KIAA1328: variants seen among roughly 807,000 people sequenced by gnomAD.
KIAA1328 encodes protein hinderin.
In KIAA1328, 52 loss-of-function variants were observed where a neutral mutation model predicts 68.1. The ratio of observed to expected loss-of-function variants is 0.76; its 90% CI spans 0.61 to 0.96. The LOEUF is 0.96. KIAA1328 is among the 40% of genes least tolerant of loss of function. The pLI, the probability that KIAA1328 is intolerant of heterozygous loss-of-function variation, is 0.00. For synonymous variants in KIAA1328, 232 were observed against 239.4 expected (o/e 0.97, Z 0.28); for missense variants, 641 against 677.6 (o/e 0.95, Z 0.60).
At chr18:37,076,623 T>G (rs1378384164) in intron 7 of KIAA1328, among the ~76,000 whole-genome samples, 7 of 151,712 alleles carry the variant, frequency 4.6e-5, no homozygotes, top group African/African-American at 1.7e-4. Context: ...AAGAATCAAA[T>G]AGATGCAATA....
chr18:36,876,340 C>A (rs532169730), intron 4 of KIAA1328, among the ~76,000 whole-genome samples: 45 of 152,168 alleles, frequency 3.0e-4, no homozygotes, highest in African/African-American at 1.1e-3. Flanking sequence ...TAATTACTGC[C>A]TCAATTTCAG....
At chr18:37,002,170 A>G (rs1046180921) in intron 6 of KIAA1328, among the ~76,000 whole-genome samples, 4 of 151,874 alleles carry the variant, frequency 2.6e-5, no homozygotes, top group Admixed American at 6.6e-5. Flanking sequence ...ATTACAAGAT[A>G]CAAAATTGAT....
At chr18:36,987,867 T>C (rs1211411783) in intron 6 of KIAA1328, among the ~76,000 whole-genome samples, 1 of 152,158 alleles carries the variant, frequency 6.6e-6, no homozygotes, top group Non-Finnish European at 1.5e-5. Flanking sequence ...GAACTGCATA[T>C]TTTTTCTTTA....
chr18:37,065,947 A>G (rs1302807631), intron 6 of KIAA1328, among the ~76,000 whole-genome samples: 1 of 152,224 alleles, frequency 6.6e-6, no homozygotes, highest in Non-Finnish European at 1.5e-5. Context: ...ACAGTAAGGC[A>G]GATGGAGGTG....
intron 6 of KIAA1328, among the ~76,000 whole-genome samples, chr18:36,980,648 G>A (rs1411496788): frequency 6.6e-6 from 1 of 152,198 alleles, no homozygotes; most frequent in Non-Finnish European, 1.5e-5. Context: ...AATTCCAGCT[G>A]ACATGGTTTG....
chr18:37,086,332 CTT>C (rs1168278119), intron 7 of KIAA1328, among the ~76,000 whole-genome samples: 2 of 152,168 alleles, frequency 1.3e-5, no homozygotes, highest in Non-Finnish European at 2.9e-5. Context: ...CAAAACATCA[CTT>C]TGTATACAAT....
chr18:37,000,585 C>CAT (rs1413445548), intron 6 of KIAA1328, among the ~76,000 whole-genome samples: 1 of 151,822 alleles, frequency 6.6e-6, no homozygotes, highest in African/African-American at 2.4e-5. Flanking sequence ...CAGGATAGAC[C>CAT]ATATGTTAGG....
At chr18:37,006,301 T>G (rs2053780561) in intron 6 of KIAA1328, among the ~76,000 whole-genome samples, 2 of 152,066 alleles carry the variant, frequency 1.3e-5, no homozygotes, top group South Asian at 4.2e-4. Context: ...AAGGTCAGAA[T>G]TAAGAAAAGT....
chr18:37,067,276 A>G lies in KIAA1328; in HGVS notation c.963A>G (p.Thr321=), dbSNP rs1006049917. 42 of 1,613,868 alleles carry G rather than the reference A, an allele frequency of 2.6e-5. No homozygotes were observed. The highest frequency in any genetic ancestry group is 3.1e-5 in the Non-Finnish European group (37 of 1,179,888). Reference sequence around the variant, plus strand: ...ATCGTGTTCATGACAGCCATCCTACAAACATGACCCCTCAACATCCTAAGA... The same window carrying G: ...ATCGTGTTCATGACAGCCATCCTACGAACATGACCCCTCAACATCCTAAGA... ...AADRVHDSHP[T]NMTPQHPKTH... Residue 321 remains threonine (T), a synonymous_variant, in exon 7 of 10, where the codon ACA becomes ACG. Transcript: ENST00000280020.
At chr18:36,895,497 T>C (rs2048839797) in intron 5 of KIAA1328, among the ~76,000 whole-genome samples, 1 of 152,192 alleles carries the variant, frequency 6.6e-6, no homozygotes, top group Admixed American at 6.5e-5. Flanking sequence ...TTTTCTGATT[T>C]TCAGCTTTTC....
At chr18:36,860,454 AT>A (rs993771567) in intron 4 of KIAA1328, among the ~76,000 whole-genome samples, 2 of 151,396 alleles carry the variant, frequency 1.3e-5, no homozygotes, top group Non-Finnish European at 2.9e-5. Context: ...TTATAGCTGC[AT>A]TTTTTTTCAT....
chr18:36,939,149 A>G (rs941646350), intron 5 of KIAA1328, among the ~76,000 whole-genome samples: 3 of 152,064 alleles, frequency 2.0e-5, no homozygotes, highest in Non-Finnish European at 4.4e-5. Flanking sequence ...TGGAATTTTG[A>G]TAAAAATGGC....
chr18:37,131,980 G>A (rs1475539696), intron 7 of KIAA1328, among the ~76,000 whole-genome samples: 1 of 151,760 alleles, frequency 6.6e-6, no homozygotes, highest in Non-Finnish European at 1.5e-5. Context: ...CCTTTTAAGT[G>A]TTTTCTTAAA....
At chr18:37,064,144 T>C (rs747795311) in intron 6 of KIAA1328, among the ~76,000 whole-genome samples, 10 of 152,236 alleles carry the variant, frequency 6.6e-5, no homozygotes, top group African/African-American at 9.6e-5. Context: ...TGCCTAGCGC[T>C]GGTTCATATT....
At chr18:36,862,403 CTA>C (rs2047594105) in intron 4 of KIAA1328, among the ~76,000 whole-genome samples, 3 of 152,142 alleles carry the variant, frequency 2.0e-5, no homozygotes, top group South Asian at 4.1e-4. Context: ...TCAGCTGTCT[CTA>C]TGATTTTGTC....
intron 4 of KIAA1328, among the ~76,000 whole-genome samples, chr18:36,876,000 A>G (rs8092622): frequency 0.14 from 20,691 of 152,002 alleles, 1,752 homozygotes; most frequent in Admixed American, 0.18. Context: ...CCAGCCTTGC[A>G]TCCCAGGGAT....
chr18:36,891,848 A>T (rs2048699871), intron 5 of KIAA1328, among the ~76,000 whole-genome samples: 1 of 152,208 alleles, frequency 6.6e-6, no homozygotes, highest in Admixed American at 6.5e-5. Context: ...TGGATCAAAT[A>T]TTCATTTACA....
chr18:37,141,909 A>G (rs905698970), intron 7 of KIAA1328, among the ~76,000 whole-genome samples: 2 of 152,330 alleles, frequency 1.3e-5, no homozygotes, highest in Non-Finnish European at 2.9e-5. Context: ...TGGATAAACA[A>G]CTCAATTATT....
chr18:37,226,244 C>T (rs942364175), downstream of KIAA1328, among the ~76,000 whole-genome samples: 5 of 151,982 alleles, frequency 3.3e-5, no homozygotes, highest in African/African-American at 9.7e-5. Context: ...GACTTTTCAG[C>T]ACTCCTTGCC....
Sources: gnomAD v4.1 joint callset for allele counts (sites outside exome capture counted in the v4.1 genomes callset) on GRCh38, gnomAD v4.1.1 for gene constraint, MANE v1.5 for transcripts, NCBI Gene and HGNC (gene_info 2026-07-23, HGNC 2026-07-21) for gene names.